HTR1F: variants seen among roughly 807,000 people sequenced by gnomAD.
The protein encoded by HTR1F is 5-hydroxytryptamine (serotonin) receptor 1F, G protein-coupled.
In HTR1F, 17 loss-of-function variants were observed where a neutral mutation model predicts 24.0. The ratio of observed to expected loss-of-function variants is 0.71; its 90% CI spans 0.48 to 1.06. The LOEUF is 1.06. Among genes scored for constraint, HTR1F ranks in the 50% least tolerant of loss-of-function variants. HTR1F has a pLI of 0.00. For missense variants in HTR1F, 391 were observed against 427.8 expected (o/e 0.91, Z 0.76); for synonymous variants, 186 against 156.8 (o/e 1.19, Z -1.39).
chr3:87,898,745 A>G (rs1706256178), intron 2 of HTR1F, among the ~76,000 whole-genome samples: 3 of 152,048 alleles, frequency 2.0e-5, no homozygotes, highest in Admixed American at 1.3e-4. Context: ...TTACATACAT[A>G]TGATATTTTA....
chr3:87,882,213 G>A (rs1264743615), intron 2 of HTR1F, among the ~76,000 whole-genome samples: 2 of 152,182 alleles, frequency 1.3e-5, no homozygotes, highest in Admixed American at 6.5e-5. Flanking sequence ...GGAAACAACA[G>A]GTGCTGGAGA....
intron 2 of HTR1F, among the ~76,000 whole-genome samples, chr3:87,912,839 A>G (rs1012353866): frequency 6.6e-6 from 1 of 152,146 alleles, no homozygotes; most frequent in Admixed American, 6.6e-5. Context: ...GCAATGAGGA[A>G]AGGACTCCCT....
chr3:87,918,214 C>A (rs1405245018), intron 2 of HTR1F, among the ~76,000 whole-genome samples: 2 of 151,884 alleles, frequency 1.3e-5, no homozygotes, highest in African/African-American at 4.8e-5. Flanking sequence ...ATACAAGGGA[C>A]ATACGTCAAT....
intron 1 of HTR1F, chr3:87,793,503 T>A (rs550381109): frequency 1.3e-5 from 2 of 152,166 alleles, no homozygotes; most frequent in African/African-American, 4.8e-5. Context: ...GTAGGGTTGT[T>A]GGCGCCTTCC....
At chr3:87,842,649 C>T (rs1049036083) in intron 2 of HTR1F, among the ~76,000 whole-genome samples, 66 of 151,634 alleles carry the variant, frequency 4.4e-4, no homozygotes, top group Admixed American at 4.1e-3. Context: ...GAAATATTAC[C>T]ACATATATGA....
At chr3:87,917,885 C>A (rs1813984) in intron 2 of HTR1F, among the ~76,000 whole-genome samples, 44,403 of 151,774 alleles carry the variant, frequency 0.29, 7,504 homozygotes, top group African/African-American at 0.47. Context: ...CCAGTATCAC[C>A]CTAATACCAA....
intron 2 of HTR1F, among the ~76,000 whole-genome samples, chr3:87,962,225 A>AAGTAG (rs1184951702): frequency 1.3e-5 from 2 of 152,126 alleles, no homozygotes; most frequent in Non-Finnish European, 2.9e-5. Flanking sequence ...TGATTTGGCT[A>AAGTAG]CTACTTAGGA....
intron 2 of HTR1F, among the ~76,000 whole-genome samples, chr3:87,952,164 T>C (rs1704848321): frequency 6.6e-6 from 1 of 152,034 alleles, no homozygotes; most frequent in African/African-American, 2.4e-5. Context: ...GTAGACAAGG[T>C]CACATTCTAC....
chr3:87,842,163 T>C (rs1704822595), intron 2 of HTR1F, among the ~76,000 whole-genome samples: 1 of 151,692 alleles, frequency 6.6e-6, no homozygotes, highest in African/African-American at 2.4e-5. Context: ...GCTTTTTTTG[T>C]TTTGTTTTGT....
chr3:87,990,259 CCAGCCTTTGAATAAGGG>C (rs1197033904), intron 2 of HTR1F, among the ~76,000 whole-genome samples: 3 of 152,254 alleles, frequency 2.0e-5, no homozygotes, highest in Middle Eastern at 6.8e-3. Flanking sequence ...TTGTTACATT[CCAGCCTTTGAATAAGGG>C]CACTGGCTCT....
At chr3:87,797,566 A>G (rs1703925784) in intron 1 of HTR1F, among the ~76,000 whole-genome samples, 1 of 152,184 alleles carries the variant, frequency 6.6e-6, no homozygotes. Context: ...TAGAAGGAAG[A>G]TAAACTCTGT....
rs112385100 is a variant in HTR1F, at chr3:87,844,989, T to C, written c.-43+22865T>C. On this transcript the variant is annotated intron_variant, in intron 2 of 2. Coordinates refer to ENST00000319595, the MANE Select transcript of HTR1F (RefSeq NM_001322209.2). ...TGTGATGCCTCCAGCTTTGTTCTTT[T>C]GGCTTGTATAGATGCAGAAAAGGCC... Among the ~76,000 whole-genome samples, 653 of 152,084 alleles carry C rather than the reference T, an allele frequency of 4.3e-3. 17 individuals are homozygous for C. The highest frequency in any genetic ancestry group is 0.015 in the African/African-American group (629 of 41,338).
At chr3:87,811,200 A>G (rs1704154985) in intron 1 of HTR1F, among the ~76,000 whole-genome samples, 1 of 152,104 alleles carries the variant, frequency 6.6e-6, no homozygotes, top group African/African-American at 2.4e-5. Flanking sequence ...CTGGCTCACT[A>G]GTTCCTCTGA....
chr3:87,972,795 G>A (rs1200737911), intron 2 of HTR1F, among the ~76,000 whole-genome samples: 1 of 152,012 alleles, frequency 6.6e-6, no homozygotes. Context: ...CGCTAAAGAA[G>A]CTTAAACCTG....
chr3:87,869,454 T>TAGATAGATGATAGATAGATA (rs113301497), intron 2 of HTR1F, among the ~76,000 whole-genome samples: 21 of 124,858 alleles, frequency 1.7e-4, no homozygotes, highest in African/African-American at 7.2e-4. Flanking sequence ...GATAGATAGA[T>TAGATAGATGATAGATAGATA]GATAGATAGA....
At chr3:87,955,353 C>T (rs1213753320) in intron 2 of HTR1F, among the ~76,000 whole-genome samples, 1 of 151,406 alleles carries the variant, frequency 6.6e-6, no homozygotes, top group Admixed American at 6.6e-5. Flanking sequence ...TTTTGAGATT[C>T]ATCCATGTTG....
intron 2 of HTR1F, among the ~76,000 whole-genome samples, chr3:87,885,529 C>G (rs1705916829): frequency 6.6e-6 from 1 of 152,092 alleles, no homozygotes; most frequent in Non-Finnish European, 1.5e-5. Flanking sequence ...ACAAAAAACC[C>G]TTCAAAAAAT....
intron 2 of HTR1F, among the ~76,000 whole-genome samples, chr3:87,850,875 C>G (rs1256212836): frequency 6.7e-6 from 1 of 150,308 alleles, no homozygotes; most frequent in Non-Finnish European, 1.5e-5. Flanking sequence ...GTATTGCTCT[C>G]TTCTGGAATT....
intron 2 of HTR1F, among the ~76,000 whole-genome samples, chr3:87,913,558 G>T (rs1703826590): frequency 6.6e-6 from 1 of 152,096 alleles, no homozygotes; most frequent in East Asian, 1.9e-4. Flanking sequence ...AATACCATTT[G>T]ACCCAGCAAT....
Sources: gnomAD v4.1 joint callset for allele counts (sites outside exome capture counted in the v4.1 genomes callset) on GRCh38, gnomAD v4.1.1 for gene constraint, MANE v1.5 for transcripts, NCBI Gene and HGNC (gene_info 2026-07-23, HGNC 2026-07-21) for gene names.